SHB: variants seen among roughly 807,000 people sequenced by gnomAD.
SHB encodes the protein SH2 domain containing adaptor protein B.
Under a neutral mutation model 52.3 loss-of-function variants are expected in SHB, and 20 were observed. The ratio of observed to expected loss-of-function variants is 0.38; its 90% confidence interval spans 0.27 to 0.56. The LOEUF is 0.56. Among genes scored for constraint, SHB ranks in the 20% least tolerant of loss-of-function variants. SHB has a pLI of 0.71. For synonymous variants in SHB, 397 were observed against 316.5 expected, an observed-to-expected ratio of 1.25 and a Z score of -2.70; for missense variants, 825 against 723.3, an observed-to-expected ratio of 1.14 and a Z score of -1.61.
chr9:37,924,255 C>T (rs923796508), intron 5 of SHB, among the ~76,000 whole-genome samples: 2 of 152,150 alleles, frequency 1.3e-5, no homozygotes, highest in African/African-American at 2.4e-5. Flanking sequence ...GTGCCGGGCA[C>T]GCAGGGCTAA....
intron 3 of SHB, among the ~76,000 whole-genome samples, chr9:37,959,099 A>G (rs1386687734): frequency 1.3e-5 from 2 of 152,184 alleles, no homozygotes; most frequent in African/African-American, 2.4e-5. Flanking sequence ...TTTGGGGTCA[A>G]TCCTGAAGAC....
chr9:38,049,960 C>T (rs1035867879), intron 1 of SHB, among the ~76,000 whole-genome samples: 6 of 152,116 alleles, frequency 3.9e-5, no homozygotes, highest in Admixed American at 6.5e-5. Context: ...CCACCACACC[C>T]GGCTAATTTT....
chr9:38,039,656 C>A (rs1821544552), intron 1 of SHB, among the ~76,000 whole-genome samples: 1 of 152,252 alleles, frequency 6.6e-6, no homozygotes, highest in Non-Finnish European at 1.5e-5. Context: ...AACTTGACCA[C>A]ACAAGGGCAG....
At chr9:38,022,294 T>A (rs1204051894) in intron 1 of SHB, among the ~76,000 whole-genome samples, 1 of 152,098 alleles carries the variant, frequency 6.6e-6, no homozygotes, top group Non-Finnish European at 1.5e-5. Flanking sequence ...AACAAGACAC[T>A]CTCTCCTTTA....
At chr9:37,971,913 G>A (rs912923420) in intron 3 of SHB, among the ~76,000 whole-genome samples, 12 of 152,200 alleles carry the variant, frequency 7.9e-5, no homozygotes, top group East Asian at 7.7e-4. Flanking sequence ...TCCAATAGGG[G>A]AATTGCTTTT....
At chr9:37,948,212 T>C (rs948200797) in intron 5 of SHB, among the ~76,000 whole-genome samples, 2 of 151,080 alleles carry the variant, frequency 1.3e-5, no homozygotes, top group African/African-American at 2.4e-5. Flanking sequence ...TCACAAGTCC[T>C]GGCCCAGCCA....
chr9:38,063,693 CAACTGCA>C (rs1821922575), intron 1 of SHB, among the ~76,000 whole-genome samples: 2 of 152,146 alleles, frequency 1.3e-5, no homozygotes, highest in Admixed American at 1.3e-4. Context: ...AGCTGGTATT[CAACTGCA>C]AACTGAGAAG....
chr9:38,028,623 C>A (rs1821374816), intron 1 of SHB, among the ~76,000 whole-genome samples: 2 of 152,218 alleles, frequency 1.3e-5, no homozygotes, highest in Admixed American at 1.3e-4. Flanking sequence ...TCTAACCCGG[C>A]AAGGCCAGCT....
At chr9:37,999,693 G>T (rs1820989886) in intron 2 of SHB, among the ~76,000 whole-genome samples, 1 of 152,206 alleles carries the variant, frequency 6.6e-6, no homozygotes, top group Non-Finnish European at 1.5e-5. Context: ...GGAGGCTTCT[G>T]TGTTCTGGGA....
chr9:37,964,494 G>A (rs968451912), intron 3 of SHB, among the ~76,000 whole-genome samples: 8 of 152,240 alleles, frequency 5.3e-5, no homozygotes, highest in East Asian at 1.9e-4. Context: ...GATAAAGCCC[G>A]ATGAAGATGA....
chr9:37,927,879 C>T (rs2118466266), intron 5 of SHB, among the ~76,000 whole-genome samples: 1 of 152,200 alleles, frequency 6.6e-6, no homozygotes, highest in South Asian at 2.1e-4. Context: ...TGGTGAAATG[C>T]TGCCAAAGCT....
At chr9:37,985,495 C>G (rs561203196) in intron 2 of SHB, among the ~76,000 whole-genome samples, 1 of 152,376 alleles carries the variant, frequency 6.6e-6, no homozygotes, top group Non-Finnish European at 1.5e-5. Flanking sequence ...GTGCGGAGGC[C>G]TCTAAGCCGC....
intron 1 of SHB, among the ~76,000 whole-genome samples, chr9:38,038,460 C>T (rs1256977600): frequency 2.0e-5 from 3 of 152,210 alleles, no homozygotes. Flanking sequence ...AAACTGGAGA[C>T]TCTGGGACAG....
chr9:38,063,785 T>C (rs2118199003), intron 1 of SHB, among the ~76,000 whole-genome samples: 1 of 150,066 alleles, frequency 6.7e-6, no homozygotes, highest in South Asian at 2.1e-4. Context: ...TTAGAAACTG[T>C]TTGCTGGATG....
intron 2 of SHB, among the ~76,000 whole-genome samples, chr9:38,010,673 C>G (rs531439968): frequency 6.6e-6 from 1 of 152,358 alleles, no homozygotes; most frequent in South Asian, 2.1e-4. Flanking sequence ...ACATGCTCAT[C>G]TCAGTGCACC....
intron 3 of SHB, among the ~76,000 whole-genome samples, chr9:37,973,188 T>A (rs1470390193): frequency 6.6e-6 from 1 of 152,236 alleles, no homozygotes; most frequent in East Asian, 1.9e-4. Flanking sequence ...TTCGGGTTGC[T>A]CTCCATTTTC....
At chr9:38,058,636 C>T (rs1302223522) in intron 1 of SHB, among the ~76,000 whole-genome samples, 1 of 152,170 alleles carries the variant, frequency 6.6e-6, no homozygotes, top group African/African-American at 2.4e-5. Context: ...GCAGGGTTAG[C>T]GAGGAAGGCC....
At chr9:38,031,379 AGTAAAAAG>A (rs1821410734) in intron 1 of SHB, among the ~76,000 whole-genome samples, 1 of 152,232 alleles carries the variant, frequency 6.6e-6, no homozygotes, top group Admixed American at 6.5e-5. Flanking sequence ...ACAATTTAAC[AGTAAAAAG>A]GTAAAAAGGA....
chr9:37,924,276 C>T (rs1306762486), intron 5 of SHB, among the ~76,000 whole-genome samples: 2 of 152,212 alleles, frequency 1.3e-5, no homozygotes, highest in African/African-American at 4.8e-5. Flanking sequence ...TAACAGGCCC[C>T]ACCTTGCAGC....
Sources: gnomAD v4.1 joint callset for allele counts (sites outside exome capture counted in the v4.1 genomes callset) on GRCh38, gnomAD v4.1.1 for gene constraint, MANE v1.5 for transcripts, NCBI Gene and HGNC (gene_info 2026-07-23, HGNC 2026-07-21) for gene names.